Variants in DPRX observed in about 807,000 individuals in gnomAD.
DPRX encodes divergent-paired related homeobox.
Under a neutral mutation model 8.4 loss-of-function variants are expected in DPRX, and 11 were observed. That is an observed-to-expected ratio of 1.31 (90% CI 0.82 to 2.17). The LOEUF (loss-of-function observed/expected upper bound fraction) is 2.17. Ranked by LOEUF, DPRX falls within the 30% of genes most tolerant of loss-of-function variation. DPRX has a pLI of 0.00. For missense variants in DPRX, 211 were observed against 236.7 expected, an observed-to-expected ratio of 0.89 and a Z score of 0.71; for synonymous variants, 72 against 87.0, an observed-to-expected ratio of 0.83 and a Z score of 0.96.
the DPRX span, among the ~76,000 whole-genome samples, chr19:53,614,001 G>GAA: frequency 1.3e-5 from 2 of 151,788 alleles, no homozygotes; most frequent in East Asian, 3.9e-4. Flanking sequence ...GCCCAGGCTG[G>GAA]AGTGCAGTGG....
rs767306828 is a variant in DPRX at position 53,632,739 on chromosome 19, C to T, written c.28+605C>T. The stretch of plus-strand genomic sequence containing the variant: ...GATTACAGGCATGAGCCTCGGTGCC[C>T]GGCCGCGGCTGTCATCTGACAGCAC... On this transcript the variant is annotated intron_variant, in intron 1 of 2. Coordinates refer to ENST00000376650, the Ensembl canonical transcript of DPRX. 1.4e-4 allele frequency among the ~76,000 whole-genome samples: 22 copies of T among 152,096 alleles called. 1 individual carries two copies. Among genetic ancestry groups the T allele is most frequent in the South Asian group, 1.0e-3 (5 of 4,828 alleles).
the DPRX span, among the ~76,000 whole-genome samples, chr19:53,617,903 G>T: frequency 2.6e-5 from 4 of 152,112 alleles, no homozygotes; most frequent in African/African-American, 9.6e-5. Flanking sequence ...ACTTTGGGAG[G>T]CCAAGGTGGG....
chr19:53,622,911 T>C, the DPRX span, among the ~76,000 whole-genome samples: 1 of 152,158 alleles, frequency 6.6e-6, no homozygotes, highest in African/African-American at 2.4e-5. Flanking sequence ...CAGCCCCTTA[T>C]ATTGACTGTT....
chr19:53,621,281 T>A, the DPRX span, among the ~76,000 whole-genome samples: 3 of 151,996 alleles, frequency 2.0e-5, no homozygotes, highest in African/African-American at 7.2e-5. Flanking sequence ...TGCAGTTGCA[T>A]GCCACAGTGC....
the DPRX span, chr19:53,608,509 G>A: frequency 6.5e-6 from 1 of 152,758 alleles, no homozygotes; most frequent in East Asian, 1.9e-4. Flanking sequence ...CAGATCCGTG[G>A]TTGCCAGGAG....
At chr19:53,609,964 A>G in the DPRX span, among the ~76,000 whole-genome samples, 20 of 143,730 alleles carry the variant, frequency 1.4e-4, no homozygotes, top group Middle Eastern at 4.5e-3. Flanking sequence ...CAGCCTGGGC[A>G]ACAGAGCAAG....
At chr19:53,604,924 TATG>T in the DPRX span, among the ~76,000 whole-genome samples, 6 of 152,178 alleles carry the variant, frequency 3.9e-5, no homozygotes, top group Non-Finnish European at 8.8e-5. Flanking sequence ...AAGTGATGGT[TATG>T]ATATTACCTT....
chr19:53,603,037 GTA>G, the DPRX span, among the ~76,000 whole-genome samples: 1 of 149,640 alleles, frequency 6.7e-6, no homozygotes, highest in African/African-American at 2.5e-5. Flanking sequence ...GTGTGTGTGT[GTA>G]TATATATATA....
the DPRX span, among the ~76,000 whole-genome samples, chr19:53,624,139 G>A: frequency 9.3e-5 from 12 of 128,544 alleles, no homozygotes; most frequent in East Asian, 1.2e-3. Context: ...CCAGGCTGGA[G>A]TGCAGTGGCG....
the DPRX span, among the ~76,000 whole-genome samples, chr19:53,624,450 T>A: frequency 2.6e-5 from 4 of 151,592 alleles, no homozygotes; most frequent in African/African-American, 4.8e-5. Flanking sequence ...TCGCCCAGGC[T>A]AGAGTGCAGT....
chr19:53,607,180 C>G, the DPRX span: 1 of 152,594 alleles, frequency 6.6e-6, no homozygotes, highest in Non-Finnish European at 1.5e-5. Flanking sequence ...TCCCCACTCC[C>G]CATCATCTGG....
At chr19:53,604,270 C>G in the DPRX span, 1 of 152,260 alleles carries the variant, frequency 6.6e-6, no homozygotes, top group Non-Finnish European at 1.5e-5. Flanking sequence ...GGAACGTGTC[C>G]CCCGTGGATA....
At chr19:53,618,616 A>C in the DPRX span, among the ~76,000 whole-genome samples, 1 of 37,106 alleles carries the variant, frequency 2.7e-5, no homozygotes, top group East Asian at 8.5e-4. Context: ...CCCCATCTCT[A>C]AAAAAAAAAA....
chr19:53,612,501 G>A, the DPRX span, among the ~76,000 whole-genome samples: 1 of 152,122 alleles, frequency 6.6e-6, no homozygotes, highest in African/African-American at 2.4e-5. Flanking sequence ...GAGGTCAGGC[G>A]TTCGAGACCA....
At chr19:53,622,685 T>A in the DPRX span, among the ~76,000 whole-genome samples, 137,358 of 152,096 alleles carry the variant, frequency 0.9, 62,305 homozygotes, top group African/African-American at 0.98. Context: ...CCCAGTGCTT[T>A]ATCAGCCTGA....
rs917286413 is a variant in DPRX at position 53,634,228 on chromosome 19, C to T, written c.29-303C>T. ...GGTGGATCACCTGAGGTCAGGAGTT[C>T]GAGACCAGCCTAGCCAACATGGTGA... On this transcript the variant is annotated intron_variant, in intron 1 of 2. Coordinates refer to ENST00000376650, the Ensembl canonical transcript of DPRX. 1.5e-4 allele frequency among the ~76,000 whole-genome samples: 23 copies of T among 152,188 alleles called. No individual in the cohort carries two copies. In the East Asian group the frequency reaches 2.3e-3, roughly 16 times the overall value.
intron 2 of DPRX, among the ~76,000 whole-genome samples, chr19:53,636,089 TG>T (rs1292040197): frequency 2.6e-5 from 4 of 152,094 alleles, no homozygotes; most frequent in Non-Finnish European, 5.9e-5. Flanking sequence ...AAACTTGGGT[TG>T]GGTATGGTGG....
chr19:53,609,359 C>T, the DPRX span, among the ~76,000 whole-genome samples: 1 of 149,112 alleles, frequency 6.7e-6, no homozygotes, highest in Non-Finnish European at 1.5e-5. Flanking sequence ...TCGGAGCTAC[C>T]CAGGAGGCTG....
chr19:53,632,200 G>A, intron 1 of DPRX, 66 bp downstream of exon 1: 3 of 1,612,212 alleles, frequency 1.9e-6, no homozygotes, highest in Non-Finnish European at 2.5e-6. Flanking sequence ...CTGGCGGCGG[G>A]AAAAGGCAGA....
Sources: allele counts gnomAD v4.1 joint callset (sites outside exome capture counted in the v4.1 genomes callset), GRCh38; gene constraint gnomAD v4.1.1; transcripts MANE v1.5; gene names NCBI Gene and HGNC (gene_info 2026-07-23, HGNC 2026-07-21).